Variants in NRXN3 observed in about 807,000 individuals in gnomAD.
NRXN3 encodes the protein neurexin III.
Under a neutral mutation model 137.6 loss-of-function variants are expected in NRXN3, and 32 were observed. That is an observed-to-expected ratio of 0.23 (90% CI 0.18 to 0.31). The LOEUF is 0.31. Among genes scored for constraint, NRXN3 ranks in the 10% least tolerant of loss-of-function variants. The pLI is 1.00. For missense variants in NRXN3, 1,574 were observed against 2,062.5 expected (o/e 0.76, Z 4.59); for synonymous variants, 798 against 784.5 (o/e 1.02, Z -0.29).
chr14:79,447,329 G>C (rs982911505), intron 15 of NRXN3, among the ~76,000 whole-genome samples: 14 of 152,068 alleles, frequency 9.2e-5, no homozygotes, highest in Non-Finnish European at 1.9e-4. Flanking sequence ...GGATATTTCT[G>C]CCAATGTGTT....
intron 15 of NRXN3, among the ~76,000 whole-genome samples, chr14:79,154,342 A>G (rs762907594): frequency 1.6e-4 from 24 of 151,982 alleles, no homozygotes; most frequent in Admixed American, 3.3e-4. Flanking sequence ...CACAGAATTC[A>G]GTTGAGCTGA....
chr14:79,098,405 C>A (rs890265269), intron 15 of NRXN3, among the ~76,000 whole-genome samples: 14 of 152,190 alleles, frequency 9.2e-5, no homozygotes, highest in Non-Finnish European at 2.1e-4. Context: ...TTAGCAGATA[C>A]ATGCATCATC....
At chr14:78,250,126 A>G (rs753260670) in intron 2 of NRXN3, 2 of 515,372 alleles carry the variant, frequency 3.9e-6, no homozygotes, top group Admixed American at 3.9e-5. Flanking sequence ...AGGTTAAATA[A>G]CTTGCCCAAG....
Position 78,243,843 on chromosome 14 carries a change from G to C in NRXN3, c.709+41G>C. On this transcript the variant is annotated intron_variant, in intron 2 of 20. Transcript: ENST00000335750. The surrounding 1 kb of genome is among the most constrained non-coding windows in gnomAD (Gnocchi z 4.2). ...TCTCTTGCTAGAGACCCACCCACGG[G>C]ATGGCTGAGGCTGGGGCTCCTGATA... The C allele has an allele frequency of 6.8e-7, 1 of 1,461,760 alleles. No individual in the cohort carries two copies. The highest frequency in any genetic ancestry group is 9.2e-7 in the Non-Finnish European group (1 of 1,088,570). 90.5% of individuals were successfully genotyped at this position (1,461,760 alleles called of 1,614,324 possible).
intron 20 of NRXN3, among the ~76,000 whole-genome samples, chr14:79,805,482 C>T (rs927260231): frequency 6.6e-6 from 1 of 151,996 alleles, no homozygotes; most frequent in Non-Finnish European, 1.5e-5. Flanking sequence ...CCCAGACTTA[C>T]CACTGGAGCA....
chr14:79,300,806 C>T (rs934493518), intron 15 of NRXN3, among the ~76,000 whole-genome samples: 2 of 151,988 alleles, frequency 1.3e-5, no homozygotes, highest in East Asian at 3.9e-4. Flanking sequence ...AAAGGGTGAG[C>T]GTGCAAGGAT....
At chr14:79,097,221 T>C (rs1379443360) in intron 15 of NRXN3, among the ~76,000 whole-genome samples, 2 of 152,044 alleles carry the variant, frequency 1.3e-5, no homozygotes, top group African/African-American at 4.8e-5. Context: ...AGCCTGAAGT[T>C]GAGAACAGAA....
intron 16 of NRXN3, among the ~76,000 whole-genome samples, chr14:79,649,990 G>A (rs2098468551): frequency 6.6e-6 from 1 of 152,144 alleles, no homozygotes; most frequent in African/African-American, 2.4e-5. Context: ...CCACCTTCTT[G>A]CTGTATCTTT....
intron 15 of NRXN3, among the ~76,000 whole-genome samples, chr14:79,110,553 A>G (rs186437544): frequency 6.6e-6 from 1 of 152,332 alleles, no homozygotes; most frequent in African/African-American, 2.4e-5. Flanking sequence ...CTTAATAAAT[A>G]CTTGCTAAAT....
At chr14:78,648,295 GTGTT>G (rs1315137542) in intron 5 of NRXN3, among the ~76,000 whole-genome samples, 1 of 152,194 alleles carries the variant, frequency 6.6e-6, no homozygotes, top group Non-Finnish European at 1.5e-5. Flanking sequence ...TTACCTCTAT[GTGTT>G]AACTTTTGTT....
At chr14:79,554,668 T>C (rs1219198080) in intron 16 of NRXN3, among the ~76,000 whole-genome samples, 4 of 152,124 alleles carry the variant, frequency 2.6e-5, no homozygotes, top group Non-Finnish European at 5.9e-5. Flanking sequence ...GTCTCTTCTG[T>C]GGCAGTCACA....
intron 15 of NRXN3, among the ~76,000 whole-genome samples, chr14:79,188,837 A>G (rs1022414013): frequency 9.1e-4 from 139 of 152,308 alleles, no homozygotes; most frequent in Middle Eastern, 6.8e-3. Flanking sequence ...CCACAATGAG[A>G]TACCATCTCA....
At chr14:79,361,397 C>T (rs2093675727) in intron 15 of NRXN3, among the ~76,000 whole-genome samples, 2 of 152,068 alleles carry the variant, frequency 1.3e-5, no homozygotes, top group African/African-American at 4.8e-5. Context: ...TTCTCCCTTC[C>T]TCTGCCCCTG....
chr14:79,201,471 G>A (rs2065999293), intron 15 of NRXN3: 1 of 152,118 alleles, frequency 6.6e-6, no homozygotes, highest in South Asian at 2.1e-4. Flanking sequence ...TTAAGGATAT[G>A]ATATTTTATT....
intron 15 of NRXN3, among the ~76,000 whole-genome samples, chr14:79,048,187 C>T (rs371993257): frequency 3.9e-4 from 59 of 152,096 alleles, no homozygotes; most frequent in African/African-American, 1.0e-3. Flanking sequence ...TATATAATTT[C>T]ATTTATATGA....
Position 79,585,691 on chromosome 14 carries a change from AAAC to A in NRXN3, c.3445-78084_3445-78082del, listed in dbSNP as rs1312347972. ...AGAGCGAGACTCCATCTTAAAAAAA[AAAC>A]AAAAAAAAAAAAAACCAACTTTGAT... On this transcript the variant is annotated intron_variant, in intron 16 of 20. Coordinates refer to ENST00000335750, the MANE Select transcript of NRXN3 (RefSeq NM_001330195.2). 1.0e-3 allele frequency among the ~76,000 whole-genome samples: 123 copies of A among 118,168 alleles called. 3 individuals carry two copies. Among genetic ancestry groups the A allele is most frequent in the African/African-American group, 3.6e-3 (117 of 32,740 alleles). 77.5% of individuals were successfully genotyped at this position (118,168 alleles called of 152,430 possible). A position where few individuals can be genotyped will look rare whatever the true frequency, so the allele number is the denominator to read the frequency against.
At chr14:79,573,892 G>C (rs753649079) in intron 16 of NRXN3, among the ~76,000 whole-genome samples, 9 of 151,992 alleles carry the variant, frequency 5.9e-5, no homozygotes, top group Middle Eastern at 3.4e-3. Context: ...AATTTTTATT[G>C]TGATAACAAG....
chr14:79,160,241 C>G (rs2060632825), intron 15 of NRXN3, among the ~76,000 whole-genome samples: 1 of 151,930 alleles, frequency 6.6e-6, no homozygotes, highest in Non-Finnish European at 1.5e-5. Flanking sequence ...AAAATAAAAA[C>G]TCTTTATACA....
At chr14:78,706,629 AT>A in intron 6 of NRXN3, among the ~76,000 whole-genome samples, 1 of 152,264 alleles carries the variant, frequency 6.6e-6, no homozygotes, top group South Asian at 2.1e-4. Context: ...TAAGGCAATG[AT>A]TACAGGTATC....
Sources: gnomAD v4.1 joint callset for allele counts (sites outside exome capture counted in the v4.1 genomes callset) on GRCh38, gnomAD v4.1.1 for gene constraint, Gnocchi (gnomAD v3.1) non-coding constraint, MANE v1.5 for transcripts, NCBI Gene and HGNC (gene_info 2026-07-23, HGNC 2026-07-21) for gene names.